PDE4D: variants seen among roughly 807,000 people sequenced by gnomAD.
The protein encoded by PDE4D is 3',5'-cyclic-AMP phosphodiesterase 4D.
In PDE4D, 24 loss-of-function variants were observed where a neutral mutation model predicts 87.4. The observed-to-expected ratio is 0.27, with a 90% confidence interval of 0.20 to 0.39. The LOEUF is 0.39. Ranked by LOEUF, PDE4D falls within the 10% of genes least tolerant of loss-of-function variation. The pLI is 1.00. For synonymous variants in PDE4D, 384 were observed against 383.2 expected (o/e 1.00, Z -0.02); for missense variants, 714 against 1,041.0 (o/e 0.69, Z 4.32).
intron 1 of PDE4D, among the ~76,000 whole-genome samples, chr5:59,676,037 T>C (rs952802125): frequency 1.3e-5 from 2 of 152,090 alleles, no homozygotes; most frequent in African/African-American, 4.8e-5. Flanking sequence ...ATAACATTTA[T>C]ATATTTAGAA....
intron 1 of PDE4D, among the ~76,000 whole-genome samples, chr5:60,369,090 C>T (rs1027221236): frequency 6.6e-6 from 1 of 151,880 alleles, no homozygotes; most frequent in African/African-American, 2.4e-5. Flanking sequence ...TTGAACCCCA[C>T]TCTCCCTCAC....
chr5:59,989,799 T>C (rs755499459), intron 2 of PDE4D, among the ~76,000 whole-genome samples: 2 of 152,214 alleles, frequency 1.3e-5, no homozygotes, highest in Admixed American at 6.5e-5. Context: ...ATACTGAGAA[T>C]TATAGAATCA....
intron 3 of PDE4D, among the ~76,000 whole-genome samples, chr5:59,949,267 T>A (rs991822835): frequency 6.6e-6 from 1 of 151,872 alleles, no homozygotes. Context: ...CCGTCGCTAC[T>A]AAAAATACAA....
At chr5:60,322,293 A>G (rs1756351878) in intron 1 of PDE4D, among the ~76,000 whole-genome samples, 3 of 151,910 alleles carry the variant, frequency 2.0e-5, no homozygotes, top group African/African-American at 7.3e-5. Flanking sequence ...AAGTGAACAA[A>G]TGTAGGAACA....
chr5:59,899,217 C>G (rs1213366182), intron 3 of PDE4D, among the ~76,000 whole-genome samples: 1 of 152,084 alleles, frequency 6.6e-6, no homozygotes, highest in East Asian at 1.9e-4. Flanking sequence ...AAGAACTGTG[C>G]TAGTCCTCTG....
intron 2 of PDE4D, among the ~76,000 whole-genome samples, chr5:60,120,220 T>C (rs1778553939): frequency 6.6e-6 from 1 of 152,190 alleles, no homozygotes; most frequent in African/African-American, 2.4e-5. Context: ...AAATTCATGT[T>C]TTCAAGACAA....
At chr5:60,340,292 T>A (rs983792644) in intron 1 of PDE4D, among the ~76,000 whole-genome samples, 1 of 151,904 alleles carries the variant, frequency 6.6e-6, no homozygotes. Flanking sequence ...TTTTTTTTTT[T>A]ATCTAGGGAA....
chr5:60,109,269 A>G (rs1007326454), intron 2 of PDE4D, among the ~76,000 whole-genome samples: 13 of 152,368 alleles, frequency 8.5e-5, no homozygotes, highest in African/African-American at 3.1e-4. Context: ...AATGCTCACC[A>G]TCACTGGCCA....
chr5:60,364,350 G>A (rs959566472), intron 1 of PDE4D, among the ~76,000 whole-genome samples: 4 of 152,150 alleles, frequency 2.6e-5, no homozygotes, highest in African/African-American at 7.2e-5. Flanking sequence ...AGGAAAAATT[G>A]AAGATAGGGG....
At chr5:59,665,008 C>A (rs1393190129) in intron 1 of PDE4D, among the ~76,000 whole-genome samples, 1 of 152,164 alleles carries the variant, frequency 6.6e-6, no homozygotes, top group Non-Finnish European at 1.5e-5. Flanking sequence ...CGTAATGATT[C>A]TTTTCATTAT....
At chr5:59,441,554 G>A (rs1172020105) in intron 1 of PDE4D, among the ~76,000 whole-genome samples, 39 of 152,138 alleles carry the variant, frequency 2.6e-4, no homozygotes, top group Admixed American at 2.6e-3. Context: ...TGGACTGATT[G>A]CTCCTTGTTG....
At chr5:60,376,645 T>C (rs1761455396) in intron 1 of PDE4D, among the ~76,000 whole-genome samples, 1 of 152,356 alleles carries the variant, frequency 6.6e-6, no homozygotes, top group East Asian at 1.9e-4. Flanking sequence ...TAGGCTCTGG[T>C]GATGTGATCC....
chr5:60,041,182 T>C (rs1405410397), intron 2 of PDE4D, among the ~76,000 whole-genome samples: 10 of 152,218 alleles, frequency 6.6e-5, no homozygotes, highest in Admixed American at 6.5e-4. Context: ...ATAGATAGTA[T>C]ATTCATCTCA....
intron 1 of PDE4D, among the ~76,000 whole-genome samples, chr5:59,524,838 G>A (rs758579052): frequency 6.6e-6 from 1 of 152,188 alleles, no homozygotes; most frequent in Non-Finnish European, 1.5e-5. Flanking sequence ...GCTTCAGAAG[G>A]TCCAAGCCTC....
intron 1 of PDE4D, among the ~76,000 whole-genome samples, chr5:60,292,014 C>G (rs2149773971): frequency 6.6e-6 from 1 of 152,122 alleles, no homozygotes; most frequent in East Asian, 1.9e-4. Flanking sequence ...GGAAACATTC[C>G]TGTTAAGTAG....
Position 59,581,484 on chromosome 5 carries a change from T to A in PDE4D, c.455+311684A>T, listed in dbSNP as rs142961771. Reference sequence around the variant, plus strand: ...TTGTTAGTAAATAATTTTCATATGATGAGGAATAATTTCTTATTTTTTTCC... The same window carrying A: ...TTGTTAGTAAATAATTTTCATATGAAGAGGAATAATTTCTTATTTTTTTCC... On this transcript the variant is annotated intron_variant, in intron 1 of 14. Transcript: ENST00000340635. Among the ~76,000 whole-genome samples the A allele has an allele frequency of 2.2e-4, 33 of 152,298 alleles. No individual in the cohort carries two copies. In the East Asian group the frequency reaches 4.1e-3, roughly 19 times the overall value.
In PDE4D at chr5:60,237,992, C is replaced by T. The variant is rs145628292; in HGVS notation, c.-89-52305G>A. ...GCCCATTTACCTCCTTCCCTACCTC[C>T]CTTCACAGAAAAATCCTACAATTGG... On this transcript the variant is annotated intron_variant, in intron 1 of 16. Coordinates refer to the PDE4D transcript ENST00000502484. 4.6e-4 allele frequency among the ~76,000 whole-genome samples: 70 copies of T among 151,998 alleles called. 1 individual carries two copies. The South Asian group carries it at 7.7e-3, about 17-fold the overall frequency.
chr5:60,468,783 C>T (rs1010560364), intron 1 of PDE4D, among the ~76,000 whole-genome samples: 1 of 152,210 alleles, frequency 6.6e-6, no homozygotes, highest in South Asian at 2.1e-4. Context: ...ACTTCAGCCT[C>T]CAAAATTGCT....
chr5:60,201,783 A>G (rs1177984478), intron 1 of PDE4D, among the ~76,000 whole-genome samples: 2 of 152,232 alleles, frequency 1.3e-5, no homozygotes, highest in Non-Finnish European at 2.9e-5. Context: ...TAATTTCTGT[A>G]ATAATTATAA....
Sources: allele counts gnomAD v4.1 joint callset (sites outside exome capture counted in the v4.1 genomes callset), GRCh38; gene constraint gnomAD v4.1.1; transcripts MANE v1.5; gene names NCBI Gene and HGNC (gene_info 2026-07-23, HGNC 2026-07-21).